The following PTPRD variants were observed in gnomAD, a reference collection of about 807,000 sequenced individuals.
PTPRD encodes the protein receptor-type tyrosine-protein phosphatase delta.
PTPRD carries 34 observed loss-of-function variants against 214.5 expected under a neutral mutation model. That is an observed-to-expected ratio of 0.16 (90% CI 0.12 to 0.21). The LOEUF (loss-of-function observed/expected upper bound fraction) is 0.21. PTPRD is among the 10% of genes least tolerant of loss of function. PTPRD has a pLI of 1.00. For synonymous variants in PTPRD, 1,128 were observed against 845.7 expected, an observed-to-expected ratio of 1.33 and a Z score of -5.79; for missense variants, 2,545 against 2,398.7, an observed-to-expected ratio of 1.06 and a Z score of -1.27.
intron 5 of PTPRD, among the ~76,000 whole-genome samples, chr9:9,857,795 T>C (rs891283268): frequency 6.6e-6 from 1 of 152,204 alleles, no homozygotes; most frequent in Non-Finnish European, 1.5e-5. Context: ...GAAGCTAATA[T>C]GGCTGTGCTC....
intron 3 of PTPRD, among the ~76,000 whole-genome samples, chr9:10,036,698 C>A (rs1009223925): frequency 4.7e-4 from 71 of 152,118 alleles, no homozygotes; most frequent in African/African-American, 1.7e-3. Context: ...GATTCTCCTA[C>A]CTCAGCCTCC....
At chr9:9,417,887 T>A (rs1385117750) in intron 8 of PTPRD, among the ~76,000 whole-genome samples, 1 of 152,068 alleles carries the variant, frequency 6.6e-6, no homozygotes, top group Non-Finnish European at 1.5e-5. Context: ...TTTCATTTCA[T>A]ACTGGAAAAG....
At chr9:10,382,124 G>A (rs540592259) in intron 2 of PTPRD, among the ~76,000 whole-genome samples, 1 of 151,850 alleles carries the variant, frequency 6.6e-6, no homozygotes, top group Admixed American at 6.6e-5. Context: ...TGGTATTAAA[G>A]TCTGAGGTTG....
chr9:9,861,913 T>C (rs1476482754), intron 5 of PTPRD, among the ~76,000 whole-genome samples: 1 of 152,184 alleles, frequency 6.6e-6, no homozygotes, highest in Non-Finnish European at 1.5e-5. Context: ...TAGCAGCATA[T>C]GCTCTGGTTA....
chr9:8,504,470 T>C, intron 22 of PTPRD, 65 bp from the exon 23 acceptor site: 14 of 1,540,234 alleles, frequency 9.1e-6, no homozygotes, highest in Non-Finnish European at 1.2e-5. Flanking sequence ...TTAATCATAC[T>C]GTCTGGACCA....
At chr9:8,339,410 ATTGCACCACCACAGCATAC>A (rs1159902651) in intron 42 of PTPRD, among the ~76,000 whole-genome samples, 16 of 152,098 alleles carry the variant, frequency 1.1e-4, no homozygotes, top group Non-Finnish European at 2.2e-4. Context: ...ACAATAACAC[ATTGCACCACCACAGCATAC>A]TTGCACCACT....
intron 6 of PTPRD, among the ~76,000 whole-genome samples, chr9:9,747,914 C>T (rs1049874370): frequency 2.0e-5 from 3 of 152,140 alleles, no homozygotes; most frequent in African/African-American, 7.2e-5. Context: ...TTCAAAAACA[C>T]TCTTTGAGAA....
intron 5 of PTPRD, among the ~76,000 whole-genome samples, chr9:9,775,476 T>C (rs2098790267): frequency 6.6e-6 from 1 of 152,210 alleles, no homozygotes; most frequent in Non-Finnish European, 1.5e-5. Context: ...AATCAAATAA[T>C]TAATTCACCT....
chr9:8,464,001 C>A (rs940458177), intron 32 of PTPRD, among the ~76,000 whole-genome samples: 1 of 151,756 alleles, frequency 6.6e-6, no homozygotes, highest in East Asian at 1.9e-4. Context: ...AATAAAGGGG[C>A]AACTTCATTA....
intron 2 of PTPRD, among the ~76,000 whole-genome samples, chr9:10,454,699 T>C (rs752319721): frequency 1.1e-4 from 16 of 151,764 alleles, no homozygotes; most frequent in Non-Finnish European, 2.2e-4. Flanking sequence ...CTTAGCTTAA[T>C]CCAGGATTTG....
chr9:9,241,964 T>A (rs1361844332), intron 9 of PTPRD, among the ~76,000 whole-genome samples: 1 of 152,088 alleles, frequency 6.6e-6, no homozygotes, highest in Non-Finnish European at 1.5e-5. Flanking sequence ...ATTTGGCATG[T>A]TTTTGCAGTG....
rs112352856 is a variant in PTPRD, at chr9:10,374,573, T to A, written c.-599-33556A>T. Among the ~76,000 whole-genome samples the A allele has an allele frequency of 3.6e-3, 541 of 152,104 alleles. 7 individuals carry two copies. The highest frequency in any genetic ancestry group is 0.012 in the African/African-American group (497 of 41,526). ...AGGAACCCACAGATCATCAGATTAA[T>A]ATATGAATTGGAATTGAATTGGAGA... On this transcript the variant is annotated intron_variant, in intron 2 of 45. Transcript: ENST00000381196.
chr9:9,863,738 C>T lies in PTPRD; in HGVS notation c.-368+74769G>A, dbSNP rs554260561. The stretch of plus-strand genomic sequence containing the variant: ...GAAAAGAGACATAAGACAGAATTGT[C>T]CTAGCTACTATAAACAAACTTCAGA... On this transcript the variant is annotated intron_variant, in intron 5 of 45. Transcript: ENST00000381196. 4.6e-5 allele frequency among the ~76,000 whole-genome samples: 7 copies of T among 152,084 alleles called. No individual in the cohort carries two copies. In the East Asian group the frequency reaches 1.4e-3, roughly 29 times the overall value.
intron 12 of PTPRD, among the ~76,000 whole-genome samples, chr9:8,654,591 C>T (rs1038710950): frequency 1.3e-5 from 2 of 152,028 alleles, no homozygotes; most frequent in African/African-American, 4.8e-5. Flanking sequence ...TACATGTAAG[C>T]CAGTGTAAAA....
intron 6 of PTPRD, among the ~76,000 whole-genome samples, chr9:9,762,825 T>C (rs146768115): frequency 6.6e-6 from 1 of 152,244 alleles, no homozygotes; most frequent in Non-Finnish European, 1.5e-5. Context: ...TGTCAAAGTT[T>C]GTCTTAATCA....
At chr9:8,390,006 C>G (rs904781) in intron 36 of PTPRD, among the ~76,000 whole-genome samples, 1 of 151,842 alleles carries the variant, frequency 6.6e-6, no homozygotes, top group Non-Finnish European at 1.5e-5. Flanking sequence ...AGGTTTAATC[C>G]TAGGCTACTC....
intron 34 of PTPRD, among the ~76,000 whole-genome samples, chr9:8,447,738 T>G (rs141064397): frequency 2.6e-4 from 40 of 152,324 alleles, no homozygotes; most frequent in African/African-American, 8.7e-4. Context: ...TACCCTTGCC[T>G]TTCTGCTCAA....
intron 5 of PTPRD, among the ~76,000 whole-genome samples, chr9:9,931,814 C>G (rs1044513311): frequency 6.6e-6 from 1 of 151,402 alleles, no homozygotes; most frequent in Non-Finnish European, 1.5e-5. Context: ...CCTCTGCAGA[C>G]TTAAATGTCC....
At chr9:8,561,208 G>C (rs956925326) in intron 14 of PTPRD, among the ~76,000 whole-genome samples, 1 of 151,914 alleles carries the variant, frequency 6.6e-6, no homozygotes, top group Non-Finnish European at 1.5e-5. Context: ...CCTTTGAGTG[G>C]TGTCTTCGCT....
Sources: gnomAD v4.1 joint callset for allele counts (sites outside exome capture counted in the v4.1 genomes callset) on GRCh38, gnomAD v4.1.1 for gene constraint, MANE v1.5 for transcripts, NCBI Gene and HGNC (gene_info 2026-07-23, HGNC 2026-07-21) for gene names.